WDPCP: variants seen among roughly 807,000 people sequenced by gnomAD.
The protein encoded by WDPCP is WD repeat containing planar cell polarity effector.
WDPCP carries 71 observed loss-of-function variants against 93.1 expected under a neutral mutation model. The observed-to-expected ratio is 0.76, with a 90% confidence interval of 0.63 to 0.93. The LOEUF (loss-of-function observed/expected upper bound fraction) is 0.93. WDPCP is among the 40% of genes least tolerant of loss of function. The pLI is 0.00. For synonymous variants in WDPCP, 315 were observed against 315.0 expected, an observed-to-expected ratio of 1.00 and a Z score of 0.00; for missense variants, 844 against 887.4, an observed-to-expected ratio of 0.95 and a Z score of 0.62.
intron 2 of WDPCP, among the ~76,000 whole-genome samples, chr2:63,674,808 G>A (rs899262495): frequency 8.6e-5 from 13 of 151,960 alleles, no homozygotes; most frequent in African/African-American, 3.1e-4. Flanking sequence ...CTTTGATGAC[G>A]GAAAATACTC....
chr2:63,766,540 T>C (rs1438862208), intron 2 of WDPCP, among the ~76,000 whole-genome samples: 2 of 151,720 alleles, frequency 1.3e-5, no homozygotes, highest in African/African-American at 4.8e-5. Flanking sequence ...TATCTTACTC[T>C]ATGGATATAC....
At chr2:63,415,924 G>T (rs1361398603) in intron 9 of WDPCP, among the ~76,000 whole-genome samples, 1 of 152,166 alleles carries the variant, frequency 6.6e-6, no homozygotes, top group Non-Finnish European at 1.5e-5. Context: ...GCTCTGAATG[G>T]TTGAAAAAGT....
chr2:63,494,681 G>A (rs963538851), intron 1 of WDPCP, among the ~76,000 whole-genome samples: 2 of 152,018 alleles, frequency 1.3e-5, no homozygotes, highest in African/African-American at 4.8e-5. Flanking sequence ...AGTACTTTGG[G>A]AGGCCGAGGC....
chr2:63,251,551 G>T (rs913840873), intron 14 of WDPCP, among the ~76,000 whole-genome samples: 3 of 147,656 alleles, frequency 2.0e-5, no homozygotes, highest in Non-Finnish European at 4.5e-5. Flanking sequence ...GAGTGCAGTG[G>T]CATGATCTCG....
chr2:63,575,545 A>ACAG (rs1558833764), intron 1 of WDPCP, among the ~76,000 whole-genome samples: 9 of 141,562 alleles, frequency 6.4e-5, no homozygotes, highest in African/African-American at 1.6e-4. Context: ...CACTGTATAT[A>ACAG]TAGTATATAC....
At chr2:63,295,399 T>C (rs1048838463) in intron 13 of WDPCP, among the ~76,000 whole-genome samples, 15 of 151,950 alleles carry the variant, frequency 9.9e-5, no homozygotes, top group Non-Finnish European at 1.5e-5. Context: ...AGATTTACTA[T>C]AGAGCCAAAG....
chr2:63,276,750 A>G (rs773528814), intron 13 of WDPCP, among the ~76,000 whole-genome samples: 4 of 152,232 alleles, frequency 2.6e-5, no homozygotes, highest in Non-Finnish European at 5.9e-5. Flanking sequence ...CAAACCTAAG[A>G]ATAATTGGTG....
chr2:63,677,993 A>C (rs1710443830), intron 2 of WDPCP, among the ~76,000 whole-genome samples: 1 of 152,216 alleles, frequency 6.6e-6, no homozygotes, highest in Non-Finnish European at 1.5e-5. Context: ...TCATCTTCAT[A>C]ATCTTTCTAT....
intron 1 of WDPCP, among the ~76,000 whole-genome samples, chr2:63,495,971 A>T (rs1397203737): frequency 6.6e-6 from 1 of 152,198 alleles, no homozygotes; most frequent in African/African-American, 2.4e-5. Flanking sequence ...ATTCCATTGC[A>T]AGTAAGAAAG....
chr2:63,410,979 GGT>G (rs1694982298), intron 9 of WDPCP, among the ~76,000 whole-genome samples: 1 of 152,080 alleles, frequency 6.6e-6, no homozygotes, highest in African/African-American at 2.4e-5. Context: ...GCACTAGACA[GGT>G]CATCAAGACA....
chr2:63,177,980 G>A (rs1673946023), intron 14 of WDPCP, among the ~76,000 whole-genome samples: 1 of 152,080 alleles, frequency 6.6e-6, no homozygotes. Flanking sequence ...TATCAATTGA[G>A]ATGATTATGT....
At chr2:63,407,866 A>G (rs1026076345) in intron 9 of WDPCP, among the ~76,000 whole-genome samples, 1 of 152,190 alleles carries the variant, frequency 6.6e-6, no homozygotes, top group Admixed American at 6.5e-5. Flanking sequence ...GCCTTAGGGC[A>G]GATGATTGAG....
At chr2:63,541,482 T>C (rs901202160) in intron 1 of WDPCP, among the ~76,000 whole-genome samples, 3 of 152,226 alleles carry the variant, frequency 2.0e-5, no homozygotes, top group African/African-American at 7.2e-5. Flanking sequence ...TCATAAATAC[T>C]GGTTTTTCCA....
At chr2:63,620,142 C>T (rs936457344) in intron 3 of WDPCP, among the ~76,000 whole-genome samples, 2 of 152,132 alleles carry the variant, frequency 1.3e-5, no homozygotes, top group African/African-American at 4.8e-5. Context: ...TTTTCCTACC[C>T]CAGTGGCACC....
chr2:63,597,653 A>C, intron 3 of WDPCP: 3 of 1,257,386 alleles, frequency 2.4e-6, no homozygotes, highest in Non-Finnish European at 3.1e-6. Flanking sequence ...GCAAAACCAA[A>C]ATTATTTGCC....
chr2:63,637,938 A>G (rs1443445447), intron 3 of WDPCP, among the ~76,000 whole-genome samples: 1 of 152,254 alleles, frequency 6.6e-6, no homozygotes, highest in Non-Finnish European at 1.5e-5. Context: ...GTCTGAGTAT[A>G]GCTCTGAAGT....
At chr2:63,485,058 C>T in intron 4 of WDPCP, 71 bp from the exon 5 acceptor site, 6 of 1,539,550 alleles carry the variant, frequency 3.9e-6, no homozygotes, top group Middle Eastern at 1.7e-4. Context: ...AGCAGTGTGC[C>T]TTAGGGAGAT....
At chr2:63,838,050 G>A in the WDPCP span, among the ~76,000 whole-genome samples, 1 of 151,836 alleles carries the variant, frequency 6.6e-6, no homozygotes, top group African/African-American at 2.4e-5. Context: ...AGCCGAGATC[G>A]CACCACTGCA....
chr2:63,444,937 G>A (rs6546005), intron 6 of WDPCP, among the ~76,000 whole-genome samples: 123,745 of 152,086 alleles, frequency 0.81, 51,147 homozygotes, highest in East Asian at 0.98. Flanking sequence ...CTGGGAAGGT[G>A]AGCTTTCTCT....
Sources: gnomAD v4.1 joint callset for allele counts (sites outside exome capture counted in the v4.1 genomes callset) on GRCh38, gnomAD v4.1.1 for gene constraint, MANE v1.5 for transcripts, NCBI Gene and HGNC (gene_info 2026-07-23, HGNC 2026-07-21) for gene names.